The following ENAH variants were observed in gnomAD, a reference collection of about 807,000 sequenced individuals.
ENAH encodes protein enabled homolog.
A neutral mutation model predicts 78.7 loss-of-function variants in ENAH; 23 were observed. That is an observed-to-expected ratio of 0.29 (90% CI 0.21 to 0.41). The LOEUF is 0.41. Among genes scored for constraint, ENAH ranks in the 10% least tolerant of loss-of-function variants. ENAH has a pLI of 1.00. For synonymous variants in ENAH, 226 were observed against 241.0 expected (o/e 0.94, Z 0.58); for missense variants, 544 against 691.0 (o/e 0.79, Z 2.39).
At chr1:225,509,519 G>T (rs1423211721) in intron 10 of ENAH, among the ~76,000 whole-genome samples, 1 of 152,148 alleles carries the variant, frequency 6.6e-6, no homozygotes, top group African/African-American at 2.4e-5. Context: ...TGTTTCAGGA[G>T]GGGCAAGGCT....
rs201449886 is a variant in ENAH, at chr1:225,589,563, T to C, written c.6-22149A>G. Among the ~76,000 whole-genome samples, 4 of 152,336 alleles carry C rather than the reference T, an allele frequency of 2.6e-5. No homozygotes were observed. The East Asian group carries it at 7.7e-4, about 29-fold the overall frequency. On this transcript the variant is annotated intron_variant, in intron 1 of 13. Coordinates refer to ENST00000366843, the MANE Select transcript of ENAH (RefSeq NM_018212.6). ...TATAACCTATACACATCCTCTGGTA[T>C]ACTTTAAATCTCTGGATTACTTATA... is the stretch of plus-strand genomic sequence containing the variant.
intron 1 of ENAH, among the ~76,000 whole-genome samples, chr1:225,578,670 A>G (rs546079831): frequency 6.6e-6 from 1 of 152,340 alleles, no homozygotes; most frequent in African/African-American, 2.4e-5. Flanking sequence ...GATAAAGCAA[A>G]CGTTACTTGG....
intron 4 of ENAH, among the ~76,000 whole-genome samples, chr1:225,524,318 GCTTTA>G (rs2096489826): frequency 6.6e-6 from 1 of 152,028 alleles, no homozygotes; most frequent in South Asian, 2.1e-4. Flanking sequence ...ATTTCACCCA[GCTTTA>G]CCTATAATGA....
At position 225,554,865 on chromosome 1, in the gene ENAH, G is replaced by A. The variant is rs751344060; in HGVS notation, c.349+41C>T. On this transcript the variant is annotated intron_variant, in intron 3 of 13. Coordinates refer to ENST00000366843, the MANE Select transcript of ENAH (RefSeq NM_018212.6). ...AAATCTTCAGTTTTGCTTTGTCTCT[G>A]GAAAAAGAAAGAAAATACAAATAAA... The A allele has an allele frequency of 6.9e-6, 10 of 1,441,380 alleles. No individual in the cohort carries two copies. The South Asian group carries it at 1.3e-4, about 19-fold the overall frequency. 89.3% of individuals were successfully genotyped at this position (1,441,380 alleles called of 1,614,324 possible).
At chr1:225,542,889 T>G (rs1020933954) in intron 3 of ENAH, among the ~76,000 whole-genome samples, 3 of 151,956 alleles carry the variant, frequency 2.0e-5, no homozygotes, top group Non-Finnish European at 4.4e-5. Context: ...TGTGGTGGCA[T>G]GCACCTGTAG....
At chr1:225,618,384 T>C (rs978551023) in intron 1 of ENAH, among the ~76,000 whole-genome samples, 3 of 152,172 alleles carry the variant, frequency 2.0e-5, no homozygotes, top group Admixed American at 2.0e-4. Context: ...TAAAAAAGAA[T>C]GGTCATCCAG....
chr1:225,574,900 C>CAAAAAAA (rs1160881680), intron 1 of ENAH, among the ~76,000 whole-genome samples: 205 of 1,546 alleles, frequency 0.13, 75 homozygotes, highest in East Asian at 1. Flanking sequence ...GACTCCGTCT[C>CAAAAAAA]AAAAAAAAAA....
intron 1 of ENAH, chr1:225,652,429 A>C: frequency 6.1e-6 from 6 of 984,934 alleles, no homozygotes; most frequent in Non-Finnish European, 7.2e-6. Context: ...TTAGGAAGGG[A>C]AATCCTGGGT....
Position 225,488,669 on chromosome 1 carries a change from C to T in ENAH, c.*9106G>A, listed in dbSNP as rs1360126252. 3 of 152,170 alleles carry T rather than the reference C, an allele frequency of 2.0e-5. No individual in the cohort carries two copies. Among genetic ancestry groups the T allele is most frequent in the Non-Finnish European group, 4.4e-5 (3 of 68,030 alleles). The allele number at this position is 152,170 out of a possible 1,614,324, so 9.4% of individuals were successfully genotyped here. A position where few individuals can be genotyped will look rare whatever the true frequency, so the allele number is the denominator to read the frequency against. ...TCATGTTCTCCAAAAAAGAAAAGCA[C>T]CTAACGAAAAGCATGTCCTATTCAT... is the stretch of plus-strand genomic sequence containing the variant. On this transcript the variant is annotated 3_prime_UTR_variant, in exon 14 of 14. Coordinates refer to ENST00000366843, the MANE Select transcript of ENAH (RefSeq NM_018212.6).
chr1:225,630,724 T>C (rs1298367968), intron 1 of ENAH, among the ~76,000 whole-genome samples: 1 of 152,220 alleles, frequency 6.6e-6, no homozygotes. Flanking sequence ...GGGTTCCTAT[T>C]TAAAAAACTT....
intron 3 of ENAH, among the ~76,000 whole-genome samples, chr1:225,531,757 GAGT>G (rs1363618214): frequency 1.3e-5 from 2 of 152,034 alleles, no homozygotes; most frequent in African/African-American, 4.8e-5. Flanking sequence ...TATACTAGTG[GAGT>G]AGATTTCACA....
chr1:225,641,891 T>G (rs1289578079), intron 1 of ENAH, among the ~76,000 whole-genome samples: 1 of 152,068 alleles, frequency 6.6e-6, no homozygotes, highest in South Asian at 2.1e-4. Context: ...CGTGGTCTCG[T>G]GCATCTGTAA....
intron 4 of ENAH, among the ~76,000 whole-genome samples, chr1:225,529,460 A>G (rs1165732610): frequency 6.6e-6 from 1 of 152,194 alleles, no homozygotes; most frequent in Non-Finnish European, 1.5e-5. Flanking sequence ...ACGGAAAAAT[A>G]AAATAAAATT....
chr1:225,636,085 G>T (rs778752607), intron 1 of ENAH, among the ~76,000 whole-genome samples: 14 of 152,064 alleles, frequency 9.2e-5, no homozygotes, highest in Non-Finnish European at 1.8e-4. Flanking sequence ...ACAAATACTG[G>T]TTCTGTTTCT....
chr1:225,532,819 T>TA (rs890758125), intron 3 of ENAH, among the ~76,000 whole-genome samples: 5 of 151,996 alleles, frequency 3.3e-5, no homozygotes, highest in African/African-American at 9.7e-5. Flanking sequence ...ATCATAATTA[T>TA]AAAAAAAATT....
chr1:225,536,660 C>T (rs1300697475), intron 3 of ENAH, among the ~76,000 whole-genome samples: 1 of 151,886 alleles, frequency 6.6e-6, no homozygotes, highest in East Asian at 1.9e-4. Context: ...CAGAACCAAA[C>T]CAATTTATAA....
intron 1 of ENAH, chr1:225,581,303 CA>C: frequency 1.0e-6 from 1 of 984,608 alleles, no homozygotes; most frequent in Non-Finnish European, 1.2e-6. Flanking sequence ...AGTTATATGG[CA>C]AAGCCTCTCA....
At chr1:225,604,744 G>C (rs938954517) in intron 1 of ENAH, among the ~76,000 whole-genome samples, 2 of 152,046 alleles carry the variant, frequency 1.3e-5, no homozygotes, top group African/African-American at 4.8e-5. Context: ...AGTAAGCCGA[G>C]ATTGCGCCAT....
chr1:225,623,929 T>C (rs1227817005), intron 1 of ENAH, among the ~76,000 whole-genome samples: 1 of 152,122 alleles, frequency 6.6e-6, no homozygotes, highest in Non-Finnish European at 1.5e-5. Context: ...CTTCCTCCCC[T>C]GCTTTTGGAA....
Sources: gnomAD v4.1 joint callset for allele counts (sites outside exome capture counted in the v4.1 genomes callset) on GRCh38, gnomAD v4.1.1 for gene constraint, MANE v1.5 for transcripts, NCBI Gene and HGNC (gene_info 2026-07-23, HGNC 2026-07-21) for gene names.